SPIDR: variants seen among roughly 807,000 people sequenced by gnomAD.
The protein encoded by SPIDR is scaffold protein involved in DNA repair.
In SPIDR, 93 loss-of-function variants were observed where a neutral mutation model predicts 104.6. The ratio of observed to expected loss-of-function variants is 0.89; its 90% CI spans 0.75 to 1.06. The LOEUF (loss-of-function observed/expected upper bound fraction) is 1.06, where lower values mean the gene tolerates loss of function less well. SPIDR is among the 50% of genes least tolerant of loss of function. The pLI is 0.00. For missense variants in SPIDR, 1,154 were observed against 1,111.2 expected, an observed-to-expected ratio of 1.04 and a Z score of -0.55; for synonymous variants, 431 against 416.9, an observed-to-expected ratio of 1.03 and a Z score of -0.41.
chr8:47,649,272 C>CAA (rs112630223), intron 10 of SPIDR, among the ~76,000 whole-genome samples: 11 of 127,606 alleles, frequency 8.6e-5, no homozygotes, highest in African/African-American at 1.5e-4. Flanking sequence ...GGGAAGAATG[C>CAA]AAAAAAAAAA....
At chr8:47,410,717 C>T (rs782175872) in intron 7 of SPIDR, among the ~76,000 whole-genome samples, 2 of 151,976 alleles carry the variant, frequency 1.3e-5, no homozygotes, top group African/African-American at 4.8e-5. Flanking sequence ...GTGCAGGTTT[C>T]TTACATATGT....
intron 5 of SPIDR, among the ~76,000 whole-genome samples, chr8:47,393,978 C>T (rs1253752031): frequency 6.6e-6 from 1 of 151,894 alleles, no homozygotes; most frequent in Non-Finnish European, 1.5e-5. Flanking sequence ...GATCTTAGCT[C>T]ACTGCAACCT....
At chr8:47,675,477 C>T (rs1440707610) in intron 11 of SPIDR, among the ~76,000 whole-genome samples, 1 of 152,128 alleles carries the variant, frequency 6.6e-6, no homozygotes, top group East Asian at 1.9e-4. Context: ...TTGGTTGGGT[C>T]ACATGAGTCT....
chr8:47,592,711 A>G (rs2061185796), intron 8 of SPIDR: 1 of 603,194 alleles, frequency 1.7e-6, no homozygotes, highest in South Asian at 2.3e-5. Flanking sequence ...ATTGTCTTTA[A>G]TGTTTTATCT....
At chr8:47,547,213 C>G (rs766494587) in intron 8 of SPIDR, 52 of 656,716 alleles carry the variant, frequency 7.9e-5, no homozygotes, top group Non-Finnish European at 1.3e-4. Flanking sequence ...GAAGATTTTT[C>G]TCACTTTGCA....
chr8:47,625,237 C>T (rs2065866753), intron 10 of SPIDR, among the ~76,000 whole-genome samples: 1 of 152,170 alleles, frequency 6.6e-6, no homozygotes, highest in African/African-American at 2.4e-5. Flanking sequence ...AGACGTACCT[C>T]AAAATAATAA....
At chr8:47,511,354 G>A in intron 8 of SPIDR, 1 of 1,079,344 alleles carries the variant, frequency 9.3e-7, no homozygotes. Context: ...CACCTAGGGG[G>A]CAGTGCTGCT....
intron 2 of SPIDR, among the ~76,000 whole-genome samples, chr8:47,283,487 A>G (rs2154227344): frequency 1.3e-5 from 2 of 152,348 alleles, no homozygotes; most frequent in Non-Finnish European, 2.9e-5. Context: ...ATAATTATCA[A>G]AATATGACAC....
intron 8 of SPIDR, among the ~76,000 whole-genome samples, chr8:47,532,127 A>G (rs1430608989): frequency 2.0e-5 from 3 of 149,064 alleles, no homozygotes; most frequent in Non-Finnish European, 4.4e-5. Context: ...CTGGAATGCA[A>G]TGGCGCGATC....
At chr8:47,726,509 C>T (rs1034466503) in intron 16 of SPIDR, among the ~76,000 whole-genome samples, 3 of 152,206 alleles carry the variant, frequency 2.0e-5, no homozygotes, top group Non-Finnish European at 4.4e-5. Flanking sequence ...CCAAGAAAAT[C>T]AGACCATCCC....
chr8:47,352,316 G>A lies in SPIDR; in HGVS notation c.526-44060G>A, dbSNP rs182448197. 5.5e-4 allele frequency among the ~76,000 whole-genome samples: 84 copies of A among 151,794 alleles called. 1 individual carries two copies. The highest frequency in any genetic ancestry group is 1.9e-3 in the African/African-American group (77 of 41,466). The stretch of plus-strand genomic sequence containing the variant: ...AAGAAAGAAAGAAAATAATTTGACC[G>A]TGTACTTCTTGTTTTCATCTGGAGT... On this transcript the variant is annotated intron_variant, in intron 5 of 19. Transcript: ENST00000297423.
chr8:47,451,653 C>T (rs1350765005), intron 8 of SPIDR, among the ~76,000 whole-genome samples: 2 of 151,726 alleles, frequency 1.3e-5, no homozygotes, highest in African/African-American at 2.4e-5. Flanking sequence ...AACACAGGCT[C>T]ATTGAACTTG....
At chr8:47,414,720 C>G (rs932175820) in intron 7 of SPIDR, among the ~76,000 whole-genome samples, 1 of 152,104 alleles carries the variant, frequency 6.6e-6, no homozygotes, top group Non-Finnish European at 1.5e-5. Context: ...TTTAACTGTT[C>G]GTTGACTGAA....
intron 1 of SPIDR, among the ~76,000 whole-genome samples, chr8:47,264,754 C>A (rs1342917905): frequency 1.3e-5 from 2 of 152,004 alleles, no homozygotes; most frequent in African/African-American, 2.4e-5. Flanking sequence ...GGCAATATAC[C>A]TAACATTGAG....
At position 47,516,031 on chromosome 8, in the gene SPIDR, G is replaced by A. The variant is rs574704954; in HGVS notation, c.1097+75489G>A. ...TCACCGTATTAGCCAGGATGGTCTCGATCTCCTGACCTCGTGATCCGCCCG... is the reference window on the plus strand; with the variant it reads ...TCACCGTATTAGCCAGGATGGTCTCAATCTCCTGACCTCGTGATCCGCCCG... On this transcript the variant is annotated intron_variant, in intron 8 of 19. Transcript: ENST00000297423. Among the ~76,000 whole-genome samples, 10 of 152,318 alleles carry A rather than the reference G, an allele frequency of 6.6e-5. No individual in the cohort carries two copies. The South Asian group carries it at 1.5e-3, about 22-fold the overall frequency.
chr8:47,316,034 G>A (rs1180726288), intron 5 of SPIDR, among the ~76,000 whole-genome samples: 1 of 152,150 alleles, frequency 6.6e-6, no homozygotes, highest in Non-Finnish European at 1.5e-5. Context: ...TAAGAGACAT[G>A]AAGAAAATAA....
intron 8 of SPIDR, among the ~76,000 whole-genome samples, chr8:47,467,514 C>T (rs1262320440): frequency 2.0e-5 from 3 of 152,130 alleles, no homozygotes; most frequent in East Asian, 1.9e-4. Flanking sequence ...TTATCCACCA[C>T]GATCAAGTTG....
At chr8:47,313,311 A>C (rs1217728655) in intron 5 of SPIDR, among the ~76,000 whole-genome samples, 1 of 152,220 alleles carries the variant, frequency 6.6e-6, no homozygotes, top group African/African-American at 2.4e-5. Context: ...CCCATTCACA[A>C]TTGCTTCAAA....
Position 47,633,370 on chromosome 8 carries a change from G to C in SPIDR, c.1544+34174G>C, listed in dbSNP as rs1184719723. ...TCCTCCTGCTTTTGTTGACTGTGTG[G>C]GTAGCCAGGAAAGGACTACAGTCTT... On this transcript the variant is annotated intron_variant, in intron 10 of 19. Coordinates refer to ENST00000297423, the MANE Select transcript of SPIDR (RefSeq NM_001080394.4). Among the ~76,000 whole-genome samples the C allele has an allele frequency of 2.0e-5, 3 of 152,042 alleles. No homozygotes were observed. The East Asian group carries it at 5.8e-4, about 29-fold the overall frequency.
Sources: allele counts gnomAD v4.1 joint callset (sites outside exome capture counted in the v4.1 genomes callset), GRCh38; gene constraint gnomAD v4.1.1; transcripts MANE v1.5; gene names NCBI Gene and HGNC (gene_info 2026-07-23, HGNC 2026-07-21).